The following PACSIN1 variants were observed in gnomAD, a reference collection of about 807,000 sequenced individuals.
PACSIN1 encodes protein kinase C and casein kinase substrate in neurons protein 1.
PACSIN1 carries 15 observed loss-of-function variants against 59.5 expected under a neutral mutation model. That is an observed-to-expected ratio of 0.25 (90% confidence interval 0.17 to 0.39). The LOEUF (loss-of-function observed/expected upper bound fraction) is 0.39. Ranked by LOEUF, PACSIN1 falls within the 10% of genes least tolerant of loss-of-function variation. The probability of loss-of-function intolerance (pLI) is 1.00; values close to 1 mark genes in which losing one functional copy is unlikely to be tolerated. For synonymous variants in PACSIN1, 210 were observed against 220.6 expected (o/e 0.95, Z 0.42); for missense variants, 420 against 580.2 (o/e 0.72, Z 2.84).
chr6:34,481,794 A>G (rs1450641798), intron 1 of PACSIN1, among the ~76,000 whole-genome samples: 1 of 152,190 alleles, frequency 6.6e-6, no homozygotes, highest in Non-Finnish European at 1.5e-5. Flanking sequence ...CACATTTTTT[A>G]TTGAAATACG....
intron 1 of PACSIN1, among the ~76,000 whole-genome samples, chr6:34,471,144 C>T (rs1358372367): frequency 6.6e-6 from 1 of 152,112 alleles, no homozygotes; most frequent in African/African-American, 2.4e-5. Flanking sequence ...GATGGGGTTT[C>T]GCCATGTTGG....
intron 1 of PACSIN1, among the ~76,000 whole-genome samples, chr6:34,497,621 A>G (rs775878322): frequency 6.6e-6 from 1 of 152,130 alleles, no homozygotes; most frequent in African/African-American, 2.4e-5. Flanking sequence ...CTGTGAACAG[A>G]CAACCTGCCC....
rs1036150679 is a variant in PACSIN1, at chr6:34,532,006, T to C, written c.1225+219T>C. On this transcript the variant is annotated intron_variant, in intron 9 of 9. Coordinates refer to ENST00000244458, the MANE Select transcript of PACSIN1 (RefSeq NM_020804.5). This position sits in a 1 kb window ranked among gnomAD's most constrained non-coding sequence, Gnocchi z 5.2. Reference sequence around the variant, plus strand: ...GCTTGGGCCTGCATTGGGTGTGTGGTGGGGTAGAGGCAGGATCTGAAGACG... The same window carrying C: ...GCTTGGGCCTGCATTGGGTGTGTGGCGGGGTAGAGGCAGGATCTGAAGACG... Among the ~76,000 whole-genome samples, 5 of 151,544 alleles carry C rather than the reference T, an allele frequency of 3.3e-5. No homozygotes were observed. Among genetic ancestry groups the C allele is most frequent in the Non-Finnish European group, 5.9e-5 (4 of 67,882 alleles).
intron 2 of PACSIN1, 132 bp from the exon 3 acceptor site, chr6:34,527,200 G>T (rs1767503369): frequency 3.3e-6 from 3 of 917,760 alleles, no homozygotes; most frequent in Non-Finnish European, 4.5e-6. Context: ...GGGCGGGGGC[G>T]GGGGCGGGGA....
chr6:34,491,221 A>G (rs1254648064), intron 1 of PACSIN1, among the ~76,000 whole-genome samples: 1 of 152,090 alleles, frequency 6.6e-6, no homozygotes, highest in Non-Finnish European at 1.5e-5. Flanking sequence ...ACTTGGCCTT[A>G]AATTAGTGAT....
At position 34,527,347 on chromosome 6, in the gene PACSIN1, C is replaced by T; in HGVS notation, c.79C>T (p.Arg27Trp). Residue 27 changes from arginine to tryptophan, a missense_variant, in exon 3 of 10, where the codon CGG (arginine) becomes TGG (tryptophan). By Grantham distance (101) the Arg-to-Trp change is moderately radical. Transcript: ENST00000244458. ...DSFWEVGNYK[R>W]TVKRIDDGHR... ...TGGCCGCCAGGTGGGGAACTACAAG[C>T]GGACCGTGAAGCGCATCGATGACGG... The T allele has an allele frequency of 6.3e-7, 1 of 1,583,906 alleles. No individual in the cohort carries two copies. Among genetic ancestry groups the T allele is most frequent in the Non-Finnish European group, 8.6e-7 (1 of 1,165,810 alleles).
At position 34,530,866 on chromosome 6, in the gene PACSIN1, C is replaced by G. The variant is rs1436525228; in HGVS notation, c.1037+279C>G. On this transcript the variant is annotated intron_variant, in intron 8 of 9. Transcript: ENST00000244458. The surrounding 1 kb of genome is among the most constrained non-coding windows in gnomAD (Gnocchi z 4.4). ...TCAGGCGTTAGATTCTCCTAAGGAA[C>G]GTGCAACCTGGATCCCTCGCATGCG... 1.3e-5 allele frequency among the ~76,000 whole-genome samples: 2 copies of G among 152,212 alleles called. No homozygotes were observed. The highest frequency in any genetic ancestry group is 2.9e-5 in the Non-Finnish European group (2 of 68,036).
rs1429960790 is a variant in PACSIN1 at position 34,532,172 on chromosome 6, A to C, written c.1226-249A>C. ...AGAACCTGAGAATAGTGTGGATGCG[A>C]GGTCTGGTTTTGGGGACGGACCCGA... is the stretch of plus-strand genomic sequence containing the variant. On this transcript the variant is annotated intron_variant, in intron 9 of 9. Coordinates refer to ENST00000244458, the MANE Select transcript of PACSIN1 (RefSeq NM_020804.5). The surrounding 1 kb of genome is among the most constrained non-coding windows in gnomAD (Gnocchi z 5.2). Among the ~76,000 whole-genome samples, 1 of 151,902 alleles carries C rather than the reference A, an allele frequency of 6.6e-6. No individual in the cohort carries two copies. Among genetic ancestry groups the C allele is most frequent in the East Asian group, 1.9e-4 (1 of 5,172 alleles).
chr6:34,515,688 A>AG lies in PACSIN1; in HGVS notation c.-63-10553dup, dbSNP rs1355429033. 6.6e-6 allele frequency among the ~76,000 whole-genome samples: 1 copy of AG among 152,082 alleles called. No individual in the cohort carries two copies. The highest frequency in any genetic ancestry group is 1.5e-5 in the Non-Finnish European group (1 of 67,986). ...CTGTCCCCAATCCCAGATCTCCCAA[A>AG]GGACCCCCATGCCCATCCCCAGCAA... On this transcript the variant is annotated intron_variant, in intron 1 of 9. Coordinates refer to ENST00000244458, the MANE Select transcript of PACSIN1 (RefSeq NM_020804.5). The surrounding 1 kb of genome is among the most constrained non-coding windows in gnomAD (Gnocchi z 4.4).
chr6:34,520,844 C>T (rs1007993973), intron 1 of PACSIN1, among the ~76,000 whole-genome samples: 1 of 143,558 alleles, frequency 7.0e-6, no homozygotes, highest in Non-Finnish European at 1.5e-5. Context: ...AGACAGAGGG[C>T]GGGTGGGACT....
chr6:34,520,573 C>G (rs892551042), intron 1 of PACSIN1, among the ~76,000 whole-genome samples: 7 of 152,142 alleles, frequency 4.6e-5, no homozygotes, highest in African/African-American at 1.7e-4. Flanking sequence ...ATCTCTAGAA[C>G]AGGGAAGGCA....
At chr6:34,504,276 A>G (rs62398687) in intron 1 of PACSIN1, among the ~76,000 whole-genome samples, 45,524 of 98,602 alleles carry the variant, frequency 0.46, 9,005 homozygotes, top group Middle Eastern at 0.56. Flanking sequence ...GTGTGTATAT[A>G]TATATATATA....
chr6:34,495,563 C>T (rs546518295), intron 1 of PACSIN1, among the ~76,000 whole-genome samples: 121 of 152,174 alleles, frequency 8.0e-4, no homozygotes, highest in African/African-American at 2.6e-3. Flanking sequence ...AGTAATTCCC[C>T]TGCCTCAGCC....
At position 34,531,510 on chromosome 6, in the gene PACSIN1, C is replaced by T. The variant is rs1767592291; in HGVS notation, c.1038-90C>T. ...TCCTTGCTCTAGCCTTGGTAGAATT[C>T]GGGATCAGGGCTCTGATTAGGAGGA... On this transcript the variant is annotated intron_variant, in intron 8 of 9. Coordinates refer to ENST00000244458, the MANE Select transcript of PACSIN1 (RefSeq NM_020804.5). This position sits in a 1 kb window ranked among gnomAD's most constrained non-coding sequence, Gnocchi z 4.4. The T allele has an allele frequency of 1.5e-6, 2 of 1,333,472 alleles. No homozygotes were observed. Among genetic ancestry groups the T allele is most frequent in the Non-Finnish European group, 2.1e-6 (2 of 950,100 alleles). The allele number at this position is 1,333,472 out of a possible 1,614,324, so 82.6% of individuals were successfully genotyped here.
In PACSIN1 at chr6:34,482,684, G is replaced by T. The variant is rs1473240167; in HGVS notation, c.-64+16414G>T. On this transcript the variant is annotated intron_variant, in intron 1 of 9. Coordinates refer to ENST00000244458, the MANE Select transcript of PACSIN1 (RefSeq NM_020804.5). ...ATGGTAACTCTATGTTTTTGTTTTT[G>T]TTTTTTTTTTTTTGAGACAGAGTCT... is the stretch of plus-strand genomic sequence containing the variant. Among the ~76,000 whole-genome samples the T allele has an allele frequency of 5.0e-5, 7 of 139,064 alleles. 1 individual carries two copies. The highest frequency in any genetic ancestry group is 3.6e-4 in the Admixed American group (5 of 14,024). The allele number at this position is 139,064 out of a possible 152,430, so 91.2% of individuals were successfully genotyped here.
Position 34,516,693 on chromosome 6 carries a change from G to A in PACSIN1, c.-63-9550G>A, listed in dbSNP as rs562183226. On this transcript the variant is annotated intron_variant, in intron 1 of 9. Transcript: ENST00000244458. This position sits in a 1 kb window ranked among gnomAD's most constrained non-coding sequence, Gnocchi z 5.4. ...TCCAGCCCCTGGCCTGCCTCCTCTAGGCCCGGGCCCCTCCCTGTCAGGTTG... is the reference window on the plus strand; with the variant it reads ...TCCAGCCCCTGGCCTGCCTCCTCTAAGCCCGGGCCCCTCCCTGTCAGGTTG... Among the ~76,000 whole-genome samples the A allele has an allele frequency of 3.4e-4, 52 of 152,320 alleles. No individual in the cohort carries two copies. The highest frequency in any genetic ancestry group is 9.7e-4 in the East Asian group (5 of 5,180).
rs142396311 is a variant in PACSIN1 at position 34,529,815 on chromosome 6, G to T, written c.762G>T (p.Arg254=). The change falls in exon 6 of 10, where the codon CGG becomes CGT. Residue 254 remains arginine (R), a synonymous_variant. Transcript: ENST00000244458. This position sits in a 1 kb window ranked among gnomAD's most constrained non-coding sequence, Gnocchi z 6.3. Reference sequence around the variant, plus strand: ...AGGAGGTGCTGCTGGACATCAAACGGCACCTCAACCTGGCTGAGAACAGCA... The same window carrying T: ...AGGAGGTGCTGCTGGACATCAAACGTCACCTCAACCTGGCTGAGAACAGCA... ...FLKEVLLDIK[R]HLNLAENSSY... 1.2e-6 allele frequency: 2 copies of T among 1,613,708 alleles called. No homozygotes were observed. The highest frequency in any genetic ancestry group is 2.7e-5 in the African/African-American group (2 of 74,910).
At chr6:34,471,834 A>T (rs1401712717) in intron 1 of PACSIN1, among the ~76,000 whole-genome samples, 2 of 152,226 alleles carry the variant, frequency 1.3e-5, no homozygotes, top group Admixed American at 6.5e-5. Context: ...CAGGAGGACC[A>T]GTGACAAAGT....
In PACSIN1 at chr6:34,528,639, C is replaced by T. The variant is rs1169749053; in HGVS notation, c.221-3C>T. On this transcript the variant is annotated splice_region_variant and splice_polypyrimidine_tract_variant and intron_variant, in intron 3 of 9. Coordinates refer to ENST00000244458, the MANE Select transcript of PACSIN1 (RefSeq NM_020804.5). ...TTCTTGTGACCTATTGCCATTCCCT[C>T]AGGCCCACAGTATGGCAGCCTGGAG... 10 of 1,612,220 alleles carry T rather than the reference C, an allele frequency of 6.2e-6. No individual in the cohort carries two copies. The South Asian group carries it at 9.9e-5, about 16-fold the overall frequency.
Sources: allele counts gnomAD v4.1 joint callset (sites outside exome capture counted in the v4.1 genomes callset), GRCh38; gene constraint gnomAD v4.1.1; non-coding constraint Gnocchi (gnomAD v3.1); transcripts MANE v1.5; gene names NCBI Gene and HGNC (gene_info 2026-07-23, HGNC 2026-07-21).